Variants in DRC7 observed in about 807,000 individuals in gnomAD.
The protein encoded by DRC7 is coiled-coil domain containing 135.
A neutral mutation model predicts 104.4 loss-of-function variants in DRC7; 80 were observed. The ratio of observed to expected loss-of-function variants is 0.77; its 90% confidence interval spans 0.64 to 0.92. The LOEUF (loss-of-function observed/expected upper bound fraction) is 0.92, where lower values mean the gene tolerates loss of function less well. Among genes scored for constraint, DRC7 ranks in the 40% least tolerant of loss-of-function variants. The pLI is 0.00. For synonymous variants in DRC7, 405 were observed against 447.3 expected (o/e 0.91, Z 1.19); for missense variants, 1,034 against 1,141.1 (o/e 0.91, Z 1.35).
chr16:57,708,509 C>T (rs1235718659), intron 8 of DRC7, among the ~76,000 whole-genome samples: 2 of 152,278 alleles, frequency 1.3e-5, no homozygotes, highest in East Asian at 3.9e-4. Context: ...TCTACAGTTG[C>T]ACATTGAGAC....
intron 13 of DRC7, chr16:57,725,621 T>C (rs947001417): frequency 6.1e-6 from 1 of 162,784 alleles, no homozygotes; most frequent in Non-Finnish European, 1.3e-5. Flanking sequence ...TTTTTTCTAA[T>C]GTAATTGAGA....
chr16:57,713,695 G>A (rs1275469910), intron 8 of DRC7: 2 of 152,304 alleles, frequency 1.3e-5, no homozygotes, highest in Non-Finnish European at 2.9e-5. Context: ...TTTCTGACCA[G>A]GCCAGTTTCC....
intron 8 of DRC7, among the ~76,000 whole-genome samples, chr16:57,717,965 C>T (rs745793089): frequency 3.9e-5 from 6 of 152,168 alleles, no homozygotes; most frequent in Non-Finnish European, 5.9e-5. Context: ...GTTGCTAGAC[C>T]CTTCTGCCAT....
At chr16:57,722,272 C>T (rs1433398413) in intron 10 of DRC7, among the ~76,000 whole-genome samples, 1 of 152,196 alleles carries the variant, frequency 6.6e-6, no homozygotes, top group Non-Finnish European at 1.5e-5. Flanking sequence ...GGGGCGCACC[C>T]AGCCCAGCAC....
At chr16:57,721,772 C>A in intron 10 of DRC7, 33 bp downstream of exon 10, 1 of 1,559,978 alleles carries the variant, frequency 6.4e-7, no homozygotes, top group Non-Finnish European at 8.8e-7. Flanking sequence ...CTTATCCTCT[C>A]CAGATCCAGT....
chr16:57,718,460 T>C lies in DRC7; in HGVS notation c.1191T>C (p.Asp397=). ...ACGACAGTGGGATAAACGATGAGGA[T>C]GATGTGGAAAATCTGGTGAGTCTCA... ...EEDDSGINDE[D]DVENLGKEDE... The change falls in exon 9 of 19, where the codon GAT becomes GAC. Residue 397 remains aspartate (D), a synonymous_variant. Coordinates refer to ENST00000360716, the MANE Select transcript of DRC7 (RefSeq NM_001289162.2). 1 of 1,614,004 alleles carries C rather than the reference T, an allele frequency of 6.2e-7. No individual in the cohort carries two copies. The highest frequency in any genetic ancestry group is 8.5e-7 in the Non-Finnish European group (1 of 1,179,916).
At chr16:57,725,938 C>A in intron 13 of DRC7, 130 bp from the exon 14 acceptor site, 1 of 743,070 alleles carries the variant, frequency 1.3e-6, no homozygotes, top group Non-Finnish European at 2.3e-6. Flanking sequence ...GGGGCTATTC[C>A]ACGTGAATCG....
Position 57,700,656 on chromosome 16 carries a change from C to CAAA in DRC7, c.504+404_504+406dup, listed in dbSNP as rs59120133. 4.7e-3 allele frequency among the ~76,000 whole-genome samples: 419 copies of CAAA among 88,482 alleles called. 6 individuals carry two copies. Among genetic ancestry groups the CAAA allele is most frequent in the African/African-American group, 0.011 (257 of 23,488 alleles). 58.0% of individuals were successfully genotyped at this position (88,482 alleles called of 152,430 possible). A position where few individuals can be genotyped will look rare whatever the true frequency, so the allele number is the denominator to read the frequency against. ...GAGCAAAACTCTCAAAAAACTCTCT[C>CAAA]AAAAAAAAAAAAAAAAAAAAGAATG... is the stretch of plus-strand genomic sequence containing the variant. On this transcript the variant is annotated intron_variant, in intron 5 of 18. Transcript: ENST00000360716.
chr16:57,714,997 T>C, intron 8 of DRC7: 1 of 289,312 alleles, frequency 3.5e-6, no homozygotes, highest in South Asian at 3.7e-5. Context: ...TAGTCCCAGA[T>C]GCACCAAATT....
intron 4 of DRC7, among the ~76,000 whole-genome samples, chr16:57,699,226 T>C (rs1412420867): frequency 6.6e-6 from 1 of 152,036 alleles, no homozygotes; most frequent in African/African-American, 2.4e-5. Context: ...TGGAGGGCGG[T>C]GGTGGTCTGG....
intron 6 of DRC7, among the ~76,000 whole-genome samples, chr16:57,704,272 A>G (rs557228954): frequency 3.8e-4 from 58 of 151,892 alleles, no homozygotes; most frequent in African/African-American, 1.3e-3. Flanking sequence ...GAGATTCACT[A>G]TTTCTCCTTC....
intron 5 of DRC7, among the ~76,000 whole-genome samples, chr16:57,700,478 C>T (rs1473936511): frequency 1.3e-5 from 2 of 152,094 alleles, no homozygotes; most frequent in Admixed American, 6.6e-5. Flanking sequence ...GAAACCCCGT[C>T]TCTACTAAAA....
rs1335328514 is a variant in DRC7, at chr16:57,697,905, C to T, written c.-37-8C>T. The T allele has an allele frequency of 6.3e-7, 1 of 1,592,904 alleles. No homozygotes were observed. On this transcript the variant is annotated splice_region_variant and splice_polypyrimidine_tract_variant and intron_variant, in intron 2 of 18. Transcript: ENST00000360716. The stretch of plus-strand genomic sequence containing the variant: ...TCGGCCATGGAGTATACTTACCCTT[C>T]CCCACAGAGACATTCCATCTCCAGA...
At position 57,707,478 on chromosome 16, in the gene DRC7, C is replaced by T. The variant is rs2048744050; in HGVS notation, c.877C>T (p.Pro293Ser). Residue 293 changes from proline to serine, a missense_variant, in exon 8 of 19, where the codon CCG becomes TCG. By Grantham distance (74) the Pro-to-Ser change is moderately conservative. Coordinates refer to ENST00000360716, the MANE Select transcript of DRC7 (RefSeq NM_001289162.2). ...ERLMEAEKAK[P>S]DALHGLRVHS... is the part of the protein sequence containing the mutation. The stretch of plus-strand genomic sequence containing the variant: ...TTGGCAGGAAGCGGAGAAGGCAAAG[C>T]CGGATGCCCTGCACGGCCTGCGGGT... 2 of 1,612,848 alleles carry T rather than the reference C, an allele frequency of 1.2e-6. No individual in the cohort carries two copies. Among genetic ancestry groups the T allele is most frequent in the East Asian group, 4.5e-5 (2 of 44,880 alleles).
chr16:57,731,115 C>A (rs768813321), intron 18 of DRC7, 45 bp downstream of exon 18: 10 of 1,613,626 alleles, frequency 6.2e-6, no homozygotes, highest in Non-Finnish European at 8.5e-6. Context: ...GGAGGCTGGA[C>A]CACCAGCTTT....
chr16:57,728,814 GTGGGTGGGTGGATGGATGGA>G (rs2049006211), intron 17 of DRC7, among the ~76,000 whole-genome samples: 1 of 146,740 alleles, frequency 6.8e-6, no homozygotes, highest in African/African-American at 2.5e-5. Flanking sequence ...AGGTGGGTGG[GTGGGTGGGTGGATGGATGGA>G]TGGATAGATG....
chr16:57,730,197 A>G (rs2049043397), intron 17 of DRC7, among the ~76,000 whole-genome samples: 1 of 130,474 alleles, frequency 7.7e-6, no homozygotes, highest in Admixed American at 7.9e-5. Flanking sequence ...GGGTGAGTGG[A>G]TGGATGAATG....
chr16:57,707,744 G>A (rs779502865), intron 8 of DRC7, 66 bp downstream of exon 8: 3 of 1,432,408 alleles, frequency 2.1e-6, no homozygotes, highest in South Asian at 1.2e-5. Flanking sequence ...ATAGAGGGAA[G>A]CAATGGCAGC....
intron 17 of DRC7, among the ~76,000 whole-genome samples, chr16:57,729,683 GTGGA>G (rs1188089377): frequency 2.4e-4 from 13 of 53,290 alleles, no homozygotes; most frequent in Admixed American, 4.3e-4. Flanking sequence ...GGGTGGGTGG[GTGGA>G]TGGATGGATG....
Sources: allele counts gnomAD v4.1 joint callset (sites outside exome capture counted in the v4.1 genomes callset), GRCh38; gene constraint gnomAD v4.1.1; transcripts MANE v1.5; gene names NCBI Gene and HGNC (gene_info 2026-07-23, HGNC 2026-07-21).